The following KCNAB2 variants were observed in gnomAD, a reference collection of about 807,000 sequenced individuals.
KCNAB2 encodes the protein potassium voltage-gated channel subfamily A regulatory beta subunit 2, also known as voltage-gated potassium channel subunit beta-2.
In KCNAB2, 29 loss-of-function variants were observed where a neutral mutation model predicts 63.6. That is an observed-to-expected ratio of 0.46 (90% confidence interval 0.34 to 0.62). The LOEUF is 0.62. Ranked by LOEUF, KCNAB2 falls within the 20% of genes least tolerant of loss-of-function variation. The pLI is 0.01. For missense variants in KCNAB2, 359 were observed against 563.9 expected (o/e 0.64, Z 3.68); for synonymous variants, 222 against 224.2 (o/e 0.99, Z 0.09).
chr1:6,101,013 C>G lies in KCNAB2; in HGVS notation c.*2439C>G, dbSNP rs1665993701. ...CTTGTCCAGTCATGTAAATAATGTG[C>G]TTTTTCTCTCCCCGAGTCTTTTTTT... On this transcript the variant is annotated 3_prime_UTR_variant, in exon 16 of 16. Coordinates refer to ENST00000378083, the MANE Select transcript of KCNAB2 (RefSeq NM_001199862.2). 7.2e-6 allele frequency: 1 copy of G among 139,512 alleles called. No individual in the cohort carries two copies. Among genetic ancestry groups the G allele is most frequent in the Admixed American group, 7.4e-5 (1 of 13,518 alleles). The allele number at this position is 139,512 out of a possible 1,614,324, so 8.6% of individuals were successfully genotyped here.
At position 6,024,208 on chromosome 1, in the gene KCNAB2, C is replaced by G. The variant is rs757623050; in HGVS notation, c.-52-16309C>G. Among the ~76,000 whole-genome samples the G allele has an allele frequency of 6.6e-6, 1 of 152,136 alleles. No individual in the cohort carries two copies. The highest frequency in any genetic ancestry group is 1.5e-5 in the Non-Finnish European group (1 of 68,036). ...CCACCCATCTCGGCCTCCCAAAGTT[C>G]TGGGATTACAGGCGTGAGACACCAT... On this transcript the variant is annotated intron_variant, in intron 1 of 16. Coordinates refer to the KCNAB2 transcript ENST00000341524. This position sits in a 1 kb window ranked among gnomAD's most constrained non-coding sequence, Gnocchi z 5.4.
intron 1 of KCNAB2, 47 bp from the exon 2 acceptor site, chr1:6,051,464 G>A: frequency 7.0e-7 from 1 of 1,427,740 alleles, no homozygotes; most frequent in Non-Finnish European, 9.2e-7. Flanking sequence ...CCAGCCTGGG[G>A]CACGTGGGGC....
chr1:6,095,825 A>G (rs1000096926), intron 13 of KCNAB2, among the ~76,000 whole-genome samples: 1 of 151,626 alleles, frequency 6.6e-6, no homozygotes, highest in Non-Finnish European at 1.5e-5. Context: ...GGGGCTGCCC[A>G]GCCTGTGGCA....
At chr1:6,046,395 C>T (rs3789558) in intron 1 of KCNAB2, among the ~76,000 whole-genome samples, 60 of 152,232 alleles carry the variant, frequency 3.9e-4, no homozygotes, top group Middle Eastern at 3.4e-3. Flanking sequence ...GGGTGGTGGG[C>T]GGCAGGTTTC....
intron 10 of KCNAB2, among the ~76,000 whole-genome samples, 193 bp from the exon 11 acceptor site, chr1:6,094,207 G>C (rs1557514263): frequency 6.6e-6 from 1 of 152,106 alleles, no homozygotes; most frequent in Non-Finnish European, 1.5e-5. Flanking sequence ...TAGGATTGTG[G>C]TTCACTTTTC....
intron 9 of KCNAB2, 110 bp downstream of exon 9, chr1:6,090,585 C>A: frequency 1.3e-6 from 1 of 775,848 alleles, no homozygotes; most frequent in Non-Finnish European, 2.1e-6. Flanking sequence ...CCCGGGTGAG[C>A]CGTGAGAGGA....
intron 10 of KCNAB2, among the ~76,000 whole-genome samples, chr1:6,092,560 G>A (rs2100773748): frequency 6.6e-6 from 1 of 152,374 alleles, no homozygotes; most frequent in Non-Finnish European, 1.5e-5. Flanking sequence ...AACTGATGCT[G>A]CATGCTCACA....
In KCNAB2 at chr1:6,094,410, C is replaced by A. The variant is rs143905461; in HGVS notation, c.657C>A (p.Arg219=). 1.9e-5 allele frequency: 31 copies of A among 1,610,276 alleles called. No homozygotes were observed. Among genetic ancestry groups the A allele is most frequent in the Non-Finnish European group, 2.6e-5 (31 of 1,178,936 alleles). The change falls in exon 11 of 16, where the codon CGC becomes CGA. Residue 219 remains arginine (R), a synonymous_variant. Coordinates refer to ENST00000378083, the MANE Select transcript of KCNAB2 (RefSeq NM_001199862.2). ...SRTFIIEETV[R]AMTHVINQGM... ...TTTCTCTCACGACAGAGACCGTCCG[C>A]GCCATGACCCACGTCATCAACCAGG...
At chr1:6,075,479 T>C (rs1292947312) in intron 4 of KCNAB2, among the ~76,000 whole-genome samples, 1 of 152,204 alleles carries the variant, frequency 6.6e-6, no homozygotes, top group Non-Finnish European at 1.5e-5. Flanking sequence ...GAGAATAAAA[T>C]AGATGGCAGT....
At chr1:6,004,261 G>A (rs1413346227) in intron 1 of KCNAB2, among the ~76,000 whole-genome samples, 1 of 150,158 alleles carries the variant, frequency 6.7e-6, no homozygotes, top group Non-Finnish European at 1.5e-5. Context: ...CGATCTTGCT[G>A]TGTTACCGAG....
intron 1 of KCNAB2, among the ~76,000 whole-genome samples, chr1:5,998,300 A>G (rs1011104006): frequency 5.9e-5 from 9 of 152,330 alleles, no homozygotes; most frequent in South Asian, 2.1e-4. Flanking sequence ...GAGCCCCCCA[A>G]GCTTTTCTGG....
chr1:6,082,623 G>A (rs1351478879), intron 5 of KCNAB2, among the ~76,000 whole-genome samples: 1 of 152,142 alleles, frequency 6.6e-6, no homozygotes, highest in Non-Finnish European at 1.5e-5. Context: ...TGTGCAACTA[G>A]GGCTGCAGGG....
At chr1:6,081,537 G>C (rs188035138) in intron 4 of KCNAB2, among the ~76,000 whole-genome samples, 43 of 152,324 alleles carry the variant, frequency 2.8e-4, no homozygotes, top group African/African-American at 9.4e-4. Context: ...AACAGACACC[G>C]TTCTGTCACC....
intron 1 of KCNAB2, among the ~76,000 whole-genome samples, chr1:6,049,009 C>A (rs1661174400): frequency 6.6e-6 from 1 of 152,246 alleles, no homozygotes; most frequent in Admixed American, 6.5e-5. Context: ...GGGTACCCGC[C>A]TGCTTTAGCG....
At position 6,051,640 on chromosome 1, in the gene KCNAB2, A is replaced by G; in HGVS notation, c.104A>G (p.Gln35Arg). The G allele has an allele frequency of 6.5e-7, 1 of 1,534,426 alleles. No individual in the cohort carries two copies. Among genetic ancestry groups the G allele is most frequent in the South Asian group, 1.2e-5 (1 of 83,972 alleles). The change falls in exon 2 of 16, where the codon CAG (glutamine) becomes CGG (arginine). Residue 35 changes from glutamine (Q) to arginine (R), a missense_variant. Gln to Arg is a conservative substitution (Grantham distance 43). Coordinates refer to ENST00000378083, the MANE Select transcript of KCNAB2 (RefSeq NM_001199862.2). ...PVRQTDTLEL[Q>R]RLREVRAAAQ... ...CGCCAGACGGACACGCTGGAACTGCAGCGGCTGCGGGAGGTGCGGGCGGCT... is the reference window on the plus strand; with the variant it reads ...CGCCAGACGGACACGCTGGAACTGCGGCGGCTGCGGGAGGTGCGGGCGGCT...
intron 2 of KCNAB2, among the ~76,000 whole-genome samples, chr1:6,065,552 C>T (rs1311237400): frequency 6.6e-6 from 1 of 152,184 alleles, no homozygotes; most frequent in African/African-American, 2.4e-5. Flanking sequence ...GTCACAGCGG[C>T]CCTGCGCAGC....
At position 6,098,769 on chromosome 1, in the gene KCNAB2, C is replaced by T; in HGVS notation, c.*195C>T. The stretch of plus-strand genomic sequence containing the variant: ...TGCTTCGCCGGACAATGTCGAAGTC[C>T]AGTCTGTGCCGGGGAAGGCACTGGT... On this transcript the variant is annotated 3_prime_UTR_variant, in exon 16 of 16. Transcript: ENST00000378083. 1 of 669,318 alleles carries T rather than the reference C, an allele frequency of 1.5e-6. No homozygotes were observed. The highest frequency in any genetic ancestry group is 2.5e-6 in the Non-Finnish European group (1 of 407,626). 41.5% of individuals were successfully genotyped at this position (669,318 alleles called of 1,614,324 possible). A position where few individuals can be genotyped will look rare whatever the true frequency, so the allele number is the denominator to read the frequency against.
intron 15 of KCNAB2, chr1:6,098,247 C>T: frequency 7.6e-7 from 1 of 1,324,248 alleles, no homozygotes; most frequent in Non-Finnish European, 9.7e-7. Context: ...CAGGAAGGTT[C>T]TAGGGCACCT....
intron 4 of KCNAB2, among the ~76,000 whole-genome samples, chr1:6,076,702 A>G (rs1237013419): frequency 6.6e-6 from 1 of 152,118 alleles, no homozygotes; most frequent in Non-Finnish European, 1.5e-5. Flanking sequence ...CTGTGGGGTA[A>G]CCGTACTGGG....
Sources: allele counts gnomAD v4.1 joint callset (sites outside exome capture counted in the v4.1 genomes callset), GRCh38; gene constraint gnomAD v4.1.1; non-coding constraint Gnocchi (gnomAD v3.1); transcripts MANE v1.5; gene names NCBI Gene and HGNC (gene_info 2026-07-23, HGNC 2026-07-21).